The following KIF26B variants were observed in gnomAD, a reference collection of about 807,000 sequenced individuals.
KIF26B encodes kinesin-like protein KIF26B.
KIF26B carries 63 observed loss-of-function variants against 151.2 expected under a neutral mutation model. That is an observed-to-expected ratio of 0.42 (90% CI 0.34 to 0.51). The LOEUF (loss-of-function observed/expected upper bound fraction) is 0.51. Among genes scored for constraint, KIF26B ranks in the 20% least tolerant of loss-of-function variants. KIF26B has a pLI of 0.07. For missense variants in KIF26B, 2,813 were observed against 2,913.6 expected, an observed-to-expected ratio of 0.97 and a Z score of 0.79; for synonymous variants, 1,357 against 1,262.1, an observed-to-expected ratio of 1.08 and a Z score of -1.59.
chr1:245,605,631 A>G (rs61754899), intron 6 of KIF26B, among the ~76,000 whole-genome samples: 22,634 of 152,116 alleles, frequency 0.15, 1,755 homozygotes, highest in Middle Eastern at 0.23. Context: ...GTGGGCAGGC[A>G]GAGCCTTCCT....
chr1:245,429,812 G>T (rs1247032525), intron 4 of KIF26B, among the ~76,000 whole-genome samples: 1 of 152,052 alleles, frequency 6.6e-6, no homozygotes. Context: ...ATGGGGTTTT[G>T]CCATGTTGGC....
intron 4 of KIF26B, among the ~76,000 whole-genome samples, chr1:245,500,189 C>G (rs926378015): frequency 6.6e-6 from 1 of 152,154 alleles, no homozygotes; most frequent in Non-Finnish European, 1.5e-5. Context: ...GTCGACTTTC[C>G]TTAGAGGAAA....
chr1:245,388,056 T>C (rs920270815), intron 3 of KIF26B, among the ~76,000 whole-genome samples: 4 of 152,186 alleles, frequency 2.6e-5, no homozygotes, highest in African/African-American at 9.7e-5. Context: ...CCTCTCTCCC[T>C]GGTGGCTCAT....
At chr1:245,399,131 T>C (rs1673932459) in intron 3 of KIF26B, among the ~76,000 whole-genome samples, 2 of 152,246 alleles carry the variant, frequency 1.3e-5, no homozygotes, top group Non-Finnish European at 2.9e-5. Context: ...AGGGGTCCAG[T>C]CTAGGATCAG....
intron 10 of KIF26B, among the ~76,000 whole-genome samples, chr1:245,672,691 T>G (rs1438479150): frequency 6.6e-6 from 1 of 152,062 alleles, no homozygotes; most frequent in Non-Finnish European, 1.5e-5. Flanking sequence ...AGCATAAAAT[T>G]GGCTCTACCA....
At chr1:245,609,552 C>T (rs770397307) in intron 8 of KIF26B, 24 bp downstream of exon 8, 23 of 1,500,920 alleles carry the variant, frequency 1.5e-5, no homozygotes, top group South Asian at 1.4e-4. Flanking sequence ...AAGCCTGGCT[C>T]GCCCCAAGGT....
chr1:245,450,743 C>T (rs1659370798), intron 4 of KIF26B, among the ~76,000 whole-genome samples: 2 of 152,236 alleles, frequency 1.3e-5, no homozygotes, highest in African/African-American at 4.8e-5. Context: ...CTTCGTAGGA[C>T]ATTAGCTTTT....
At chr1:245,411,206 A>C (rs1461848248) in intron 3 of KIF26B, among the ~76,000 whole-genome samples, 1 of 152,160 alleles carries the variant, frequency 6.6e-6, no homozygotes, top group Non-Finnish European at 1.5e-5. Flanking sequence ...AGTAGGCCTG[A>C]CCCTGCCAGG....
chr1:245,410,132 C>T (rs1293878673), intron 3 of KIF26B, among the ~76,000 whole-genome samples: 2 of 152,182 alleles, frequency 1.3e-5, no homozygotes, highest in African/African-American at 4.8e-5. Context: ...TTCCCCTGCC[C>T]ATCTCCTCCC....
chr1:245,561,827 A>G (rs980721416), intron 5 of KIF26B, among the ~76,000 whole-genome samples: 2 of 152,178 alleles, frequency 1.3e-5, no homozygotes, highest in African/African-American at 4.8e-5. Context: ...TCGTAGGTGT[A>G]GGGTGCCTTT....
intron 3 of KIF26B, among the ~76,000 whole-genome samples, chr1:245,412,945 G>C (rs941651008): frequency 3.9e-5 from 6 of 152,164 alleles, no homozygotes; most frequent in African/African-American, 1.4e-4. Context: ...CCTGCAGCCT[G>C]GCCCCTTTTG....
At chr1:245,624,573 T>C (rs997312639) in intron 9 of KIF26B, among the ~76,000 whole-genome samples, 1 of 152,256 alleles carries the variant, frequency 6.6e-6, no homozygotes, top group Non-Finnish European at 1.5e-5. Context: ...TTTGGTGAAA[T>C]GTCCCTTCAA....
chr1:245,228,083 C>T (rs1212492863), intron 2 of KIF26B, among the ~76,000 whole-genome samples: 3 of 152,188 alleles, frequency 2.0e-5, no homozygotes, highest in Non-Finnish European at 2.9e-5. Context: ...TCAAAGGCCA[C>T]CTGTATTAAT....
chr1:245,379,508 G>A (rs760338710), intron 3 of KIF26B, among the ~76,000 whole-genome samples: 12 of 148,678 alleles, frequency 8.1e-5, no homozygotes, highest in Non-Finnish European at 1.5e-4. Flanking sequence ...GATTCTTACC[G>A]AACTCTTTGA....
chr1:245,463,946 T>C lies in KIF26B; in HGVS notation c.1166+44201T>C, dbSNP rs116805570. ...GATTTTGTCCTGATGATTCATTCCT[T>C]AATTAGTGGTATTTTATTGCCGCTT... On this transcript the variant is annotated intron_variant, in intron 4 of 14. Coordinates refer to ENST00000407071, the MANE Select transcript of KIF26B (RefSeq NM_018012.4). Among the ~76,000 whole-genome samples the C allele has an allele frequency of 4.2e-3, 643 of 152,290 alleles. 5 individuals are homozygous for C. Among genetic ancestry groups the C allele is most frequent in the African/African-American group, 0.015 (611 of 41,562 alleles).
At chr1:245,371,805 G>T (rs1421536008) in intron 3 of KIF26B, 1 of 152,106 alleles carries the variant, frequency 6.6e-6, no homozygotes, top group South Asian at 2.1e-4. Context: ...AGATAAATAG[G>T]AATCGATCCA....
intron 2 of KIF26B, among the ~76,000 whole-genome samples, chr1:245,347,836 C>A (rs541068674): frequency 6.6e-6 from 1 of 152,292 alleles, no homozygotes; most frequent in East Asian, 1.9e-4. Flanking sequence ...ATAACACGTT[C>A]ATTCATTCTA....
chr1:245,286,268 C>T (rs1671163145), intron 2 of KIF26B, among the ~76,000 whole-genome samples: 3 of 152,070 alleles, frequency 2.0e-5, no homozygotes, highest in Non-Finnish European at 4.4e-5. Flanking sequence ...GGTGTGGTGG[C>T]TCATGCCTGT....
At chr1:245,700,337 C>T (rs979263517) in intron 14 of KIF26B, among the ~76,000 whole-genome samples, 2 of 152,050 alleles carry the variant, frequency 1.3e-5, no homozygotes, top group Non-Finnish European at 2.9e-5. Flanking sequence ...ACTGCTTGGC[C>T]CAGGATGAGA....
Sources: gnomAD v4.1 joint callset for allele counts (sites outside exome capture counted in the v4.1 genomes callset) on GRCh38, gnomAD v4.1.1 for gene constraint, MANE v1.5 for transcripts, NCBI Gene and HGNC (gene_info 2026-07-23, HGNC 2026-07-21) for gene names.